The following KBTBD4 variants were observed in gnomAD, a reference collection of about 807,000 sequenced individuals.
KBTBD4 encodes the protein kelch repeat and BTB domain containing 4.
Under a neutral mutation model 43.9 loss-of-function variants are expected in KBTBD4, and 30 were observed. That is an observed-to-expected ratio of 0.68 (90% CI 0.51 to 0.93). KBTBD4 has a LOEUF of 0.93. Ranked by LOEUF, KBTBD4 falls within the 40% of genes least tolerant of loss-of-function variation. KBTBD4 has a pLI of 0.00. For missense variants in KBTBD4, 575 were observed against 668.8 expected (o/e 0.86, Z 1.55); for synonymous variants, 258 against 256.9 (o/e 1.00, Z -0.04).
At chr11:47,578,807 C>A in intron 1 of KBTBD4, 126 bp downstream of exon 1, 1 of 1,532,258 alleles carries the variant, frequency 6.5e-7, no homozygotes, top group South Asian at 1.2e-5. Context: ...CCAAAACGCC[C>A]GCCCCCTCCC....
intron 3 of KBTBD4, among the ~76,000 whole-genome samples, chr11:47,575,071 C>T (rs201940998): frequency 7.9e-5 from 12 of 151,898 alleles, no homozygotes; most frequent in East Asian, 5.8e-4. Context: ...AAAAATTAGG[C>T]GTGGTGGCAG....
At chr11:47,575,830 C>T in intron 2 of KBTBD4, 131 bp from the exon 3 acceptor site, 1 of 512,404 alleles carries the variant, frequency 2.0e-6, no homozygotes, top group South Asian at 2.6e-5. Flanking sequence ...TGCATACATA[C>T]ACATATACAT....
At chr11:47,575,809 A>G (rs544041322) in intron 2 of KBTBD4, 110 bp from the exon 3 acceptor site, 546 of 658,100 alleles carry the variant, frequency 8.3e-4, no homozygotes, top group Non-Finnish European at 1.4e-3. Flanking sequence ...GGGCATGTGT[A>G]TATGTGTACA....
In KBTBD4 at chr11:47,578,962, G is replaced by C. The variant is rs374944366; in HGVS notation, c.-11C>G. ...GTTCCCTCCTTTCATCCCGGAGCCCGGAACCTCCGCTTCCGGCTCCACGTC... is the reference window on the plus strand; with the variant it reads ...GTTCCCTCCTTTCATCCCGGAGCCCCGAACCTCCGCTTCCGGCTCCACGTC... On this transcript the variant is annotated 5_prime_UTR_variant, in exon 1 of 4. Transcript: ENST00000430070. 6.4e-7 allele frequency: 1 copy of C among 1,551,662 alleles called. No individual in the cohort carries two copies.
At chr11:47,578,884 G>C (rs2097265599) in intron 1 of KBTBD4, 49 bp downstream of exon 1, 3 of 1,551,214 alleles carry the variant, frequency 1.9e-6, no homozygotes, top group Middle Eastern at 1.7e-4. Flanking sequence ...AAGGAGCTAG[G>C]ACCACGCTCA....
intron 1 of KBTBD4, chr11:47,578,247 A>T (rs2097264042): frequency 6.7e-6 from 4 of 594,960 alleles, no homozygotes; most frequent in Non-Finnish European, 1.2e-5. Context: ...TATAAATAAA[A>T]GTTCCAACTC....
At position 47,575,578 on chromosome 11, in the gene KBTBD4, A is replaced by C; in HGVS notation, c.744+15T>G. 7 of 1,529,904 alleles carry C rather than the reference A, an allele frequency of 4.6e-6. No homozygotes were observed. Among genetic ancestry groups the C allele is most frequent in the African/African-American group, 1.4e-5 (1 of 73,124 alleles). The allele number at this position is 1,529,904 out of a possible 1,614,324, so 94.8% of individuals were successfully genotyped here. ...GGAGAGTATGCAGTCTCAACAATTAAGAGATTTGCCTTACCTTCAAGCTTG... is the reference window on the plus strand; with the variant it reads ...GGAGAGTATGCAGTCTCAACAATTACGAGATTTGCCTTACCTTCAAGCTTG... On this transcript the variant is annotated intron_variant, in intron 3 of 3. Coordinates refer to ENST00000430070, the MANE Select transcript of KBTBD4 (RefSeq NM_018095.6).
intron 2 of KBTBD4, 119 bp from the exon 3 acceptor site, chr11:47,575,818 C>A: frequency 8.6e-6 from 5 of 584,544 alleles, no homozygotes; most frequent in Admixed American, 3.1e-5. Context: ...TATATGTGTA[C>A]ATGCATACAT....
In KBTBD4 at chr11:47,577,872, A is replaced by G; in HGVS notation, c.176T>C (p.Leu59Pro). The part of the protein sequence containing the change: ...GIMKLCLEEE[L>P]FADVTISVEG... ...CACCGAAATGGTGACATCAGCAAAG[A>G]GCTCCTCCTCTAGACACAGTTTCAT... The change falls in exon 2 of 4, where the codon CTC becomes CCC. Residue 59 changes from leucine to proline, a missense_variant. By Grantham distance (98) the Leu-to-Pro change is moderately conservative (BLOSUM62 -3). Coordinates refer to ENST00000430070, the MANE Select transcript of KBTBD4 (RefSeq NM_018095.6). 1 of 1,614,104 alleles carries G rather than the reference A, an allele frequency of 6.2e-7. No homozygotes were observed. The highest frequency in any genetic ancestry group is 8.5e-7 in the Non-Finnish European group (1 of 1,180,032).
At position 47,572,867 on chromosome 11, in the gene KBTBD4, G is replaced by T. The variant is rs1598784130; in HGVS notation, c.*63C>A. The T allele has an allele frequency of 4.6e-6, 7 of 1,536,986 alleles. No homozygotes were observed. The Admixed American group carries it at 1.3e-4, about 30-fold the overall frequency. On this transcript the variant is annotated 3_prime_UTR_variant, in exon 4 of 4. Coordinates refer to ENST00000430070, the MANE Select transcript of KBTBD4 (RefSeq NM_018095.6). ...AACATAACTCTGAATTGGGGCCCAG[G>T]GGACTTTGAGTTTGTATGGGGAGGG... is the stretch of plus-strand genomic sequence containing the variant.
At position 47,573,337 on chromosome 11, in the gene KBTBD4, C is replaced by G. The variant is rs976529229; in HGVS notation, c.1198G>C (p.Gly400Arg). 5.6e-6 allele frequency: 9 copies of G among 1,614,082 alleles called. No individual in the cohort carries two copies. Among genetic ancestry groups the G allele is most frequent in the Non-Finnish European group, 6.8e-6 (8 of 1,180,042 alleles). Residue 400 changes from glycine to arginine, a missense_variant, in exon 4 of 4, where the codon GGG becomes CGG. By Grantham distance (125) the Gly-to-Arg change is moderately radical (BLOSUM62 -2). Transcript: ENST00000430070. This position sits in a 1 kb window ranked among gnomAD's most constrained non-coding sequence, Gnocchi z 4.1. ...AAGTCCAGATCATTCTCCTCCCCCC[C>G]TAGTAAGTAGATGATCCCGTTGAGG... ...ANLNGIIYLLGGEENDLDFFT... is the reference protein window; with the variant it reads ...ANLNGIIYLLRGEENDLDFFT...
rs1439456237 is a variant in KBTBD4 at position 47,573,428 on chromosome 11, T to C, written c.1107A>G (p.Val369=). The C allele has an allele frequency of 6.2e-7, 1 of 1,614,212 alleles. No individual in the cohort carries two copies. Among genetic ancestry groups the C allele is most frequent in the Non-Finnish European group, 8.5e-7 (1 of 1,180,046 alleles). ...TLSNAVIYYR[V]GDNVWTETTQ... ...TTGTCTCTGTCCACACATTATCACC[T>C]ACGCGATAATAAATGACTGCGTTGG... The change falls in exon 4 of 4, where the codon GTA becomes GTG. Residue 369 remains valine (V), a synonymous_variant. Coordinates refer to ENST00000430070, the MANE Select transcript of KBTBD4 (RefSeq NM_018095.6). This position sits in a 1 kb window ranked among gnomAD's most constrained non-coding sequence, Gnocchi z 4.1.
At position 47,573,662 on chromosome 11, in the gene KBTBD4, G is replaced by A. The variant is rs944140893; in HGVS notation, c.873C>T (p.His291=). 1 of 1,613,286 alleles carries A rather than the reference G, an allele frequency of 6.2e-7. No homozygotes were observed. Among genetic ancestry groups the A allele is most frequent in the African/African-American group, 1.3e-5 (1 of 74,906 alleles). ...ISVSGQNSLC[H]QITAACKHGG... ...CATGCTTGCAGGCCGCAGTGATCTG[G>A]TGGCACAAACTGTTTTGGCCACTTA... The change falls in exon 4 of 4, where the codon CAC becomes CAT. Residue 291 remains histidine, a synonymous_variant. Coordinates refer to ENST00000430070, the MANE Select transcript of KBTBD4 (RefSeq NM_018095.6). This position sits in a 1 kb window ranked among gnomAD's most constrained non-coding sequence, Gnocchi z 4.1.
At position 47,578,970 on chromosome 11, in the gene KBTBD4, C is replaced by A; in HGVS notation, c.-19G>T. ...CTTTCATCCCGGAGCCCGGAACCTCCGCTTCCGGCTCCACGTCCGCCCGGA... is the reference window on the plus strand; with the variant it reads ...CTTTCATCCCGGAGCCCGGAACCTCAGCTTCCGGCTCCACGTCCGCCCGGA... On this transcript the variant is annotated 5_prime_UTR_variant, in exon 1 of 4. Coordinates refer to ENST00000430070, the MANE Select transcript of KBTBD4 (RefSeq NM_018095.6). The A allele has an allele frequency of 6.4e-7, 1 of 1,551,672 alleles. No individual in the cohort carries two copies.
chr11:47,573,195 A>G lies in KBTBD4; in HGVS notation c.1340T>C (p.Leu447Pro), dbSNP rs745888062. 6.2e-7 allele frequency: 1 copy of G among 1,614,198 alleles called. No homozygotes were observed. Among genetic ancestry groups the G allele is most frequent in the Non-Finnish European group, 8.5e-7 (1 of 1,180,030 alleles). ...GTCCCCTTCAGCCACGATGAACACC[A>G]GATCTTTATGCACAGCTGCGTGCAT... Reference protein sequence around the residue: ...GRMHAAVHKDLVFIVAEGDSL... With the variant: ...GRMHAAVHKDPVFIVAEGDSL... The change falls in exon 4 of 4, where the codon CTG becomes CCG. Residue 447 changes from leucine (L) to proline (P), a missense_variant. Leu to Pro is a moderately conservative substitution (Grantham distance 98, BLOSUM62 -3). Transcript: ENST00000430070. This position sits in a 1 kb window ranked among gnomAD's most constrained non-coding sequence, Gnocchi z 4.1.
chr11:47,573,673 T>C lies in KBTBD4; in HGVS notation c.862A>G (p.Ser288Gly). The C allele has an allele frequency of 1.2e-6, 2 of 1,612,698 alleles. No homozygotes were observed. Among genetic ancestry groups the C allele is most frequent in the Non-Finnish European group, 1.7e-6 (2 of 1,180,036 alleles). Residue 288 changes from serine (S) to glycine (G), a missense_variant, in exon 4 of 4, where the codon AGT becomes GGT. Ser to Gly is a moderately conservative substitution (Grantham distance 56). Transcript: ENST00000430070. This position sits in a 1 kb window ranked among gnomAD's most constrained non-coding sequence, Gnocchi z 4.1. Reference protein sequence around the residue: ...DDSISVSGQNSLCHQITAACK... With the variant: ...DDSISVSGQNGLCHQITAACK... ...GCCGCAGTGATCTGGTGGCACAAAC[T>C]GTTTTGGCCACTTACACTGATGGAG...
At position 47,573,301 on chromosome 11, in the gene KBTBD4, G is replaced by A; in HGVS notation, c.1234C>T (p.Pro412Ser). ...EENDLDFFTK[P>S]SRLIQCFDTE... ...TCAAAGCACTGGATGAGTCGGGAAG[G>A]TTTGGTAAAGAAGTCCAGATCATTC... Residue 412 changes from proline to serine, a missense_variant, in exon 4 of 4, where the codon CCT becomes TCT. Coordinates refer to ENST00000430070, the MANE Select transcript of KBTBD4 (RefSeq NM_018095.6). The surrounding 1 kb of genome is among the most constrained non-coding windows in gnomAD (Gnocchi z 4.1). 1 of 1,614,194 alleles carries A rather than the reference G, an allele frequency of 6.2e-7. No homozygotes were observed. Among genetic ancestry groups the A allele is most frequent in the South Asian group, 1.1e-5 (1 of 91,084 alleles).
Position 47,577,843 on chromosome 11 carries a change from C to T in KBTBD4, c.205G>A (p.Gly69Ser). Residue 69 changes from glycine (G) to serine (S), a missense_variant, in exon 2 of 4, where the codon GGC (glycine) becomes AGC (serine). Coordinates refer to ENST00000430070, the MANE Select transcript of KBTBD4 (RefSeq NM_018095.6). ...LFADVTISVE[G>S]REFQLHRLVL... ...AGCCGATGGAGCTGAAACTCCCGGC[C>T]TTCCACCGAAATGGTGACATCAGCA... is the stretch of plus-strand genomic sequence containing the variant. The T allele has an allele frequency of 6.2e-7, 1 of 1,614,224 alleles. No individual in the cohort carries two copies. The highest frequency in any genetic ancestry group is 1.3e-5 in the African/African-American group (1 of 75,056).
In KBTBD4 at chr11:47,573,701, ATCT is replaced by A; in HGVS notation, c.831_833del (p.Glu277del). On this transcript the variant is annotated inframe_deletion, in exon 4 of 4. Coordinates refer to ENST00000430070, the MANE Select transcript of KBTBD4 (RefSeq NM_018095.6). The surrounding 1 kb of genome is among the most constrained non-coding windows in gnomAD (Gnocchi z 4.1). ...TTTGGCCACTTACACTGATGGAGTC[ATCT>A]TCTGCACAGTGCAAGGACACAGCCA... 2 of 1,608,908 alleles carry A rather than the reference ATCT, an allele frequency of 1.2e-6. No individual in the cohort carries two copies. Among genetic ancestry groups the A allele is most frequent in the Non-Finnish European group, 1.7e-6 (2 of 1,180,006 alleles).
Sources: gnomAD v4.1 joint callset for allele counts (sites outside exome capture counted in the v4.1 genomes callset) on GRCh38, gnomAD v4.1.1 for gene constraint, Gnocchi (gnomAD v3.1) non-coding constraint, MANE v1.5 for transcripts, NCBI Gene and HGNC (gene_info 2026-07-23, HGNC 2026-07-21) for gene names.